Variants in CACNA1E observed in about 807,000 individuals in gnomAD.
CACNA1E encodes voltage-dependent R-type calcium channel subunit alpha-1E.
Under a neutral mutation model 259.2 loss-of-function variants are expected in CACNA1E, and 40 were observed. The ratio of observed to expected loss-of-function variants is 0.15; its 90% CI spans 0.12 to 0.20. The LOEUF (loss-of-function observed/expected upper bound fraction) is 0.20, where lower values mean the gene tolerates loss of function less well. Ranked by LOEUF, CACNA1E falls within the 10% of genes least tolerant of loss-of-function variation. The pLI is 1.00. For missense variants in CACNA1E, 1,874 were observed against 3,040.1 expected (o/e 0.62, Z 9.02); for synonymous variants, 1,104 against 1,138.5 (o/e 0.97, Z 0.61).
At chr1:181,722,078 A>G (rs976673487) in intron 16 of CACNA1E, among the ~76,000 whole-genome samples, 2 of 152,212 alleles carry the variant, frequency 1.3e-5, no homozygotes, top group African/African-American at 4.8e-5. Context: ...AACAAGATAG[A>G]GTATTATCCA....
intron 1 of CACNA1E, among the ~76,000 whole-genome samples, chr1:181,325,422 C>T (rs757539622): frequency 6.6e-6 from 1 of 152,140 alleles, no homozygotes; most frequent in East Asian, 1.9e-4. Flanking sequence ...GGAAGAACAT[C>T]CTGTCCCAAG....
intron 2 of CACNA1E, among the ~76,000 whole-genome samples, chr1:181,431,133 A>C (rs192108164): frequency 6.4e-4 from 98 of 152,332 alleles, no homozygotes; most frequent in African/African-American, 2.1e-3. Flanking sequence ...AAAAGAATTC[A>C]AATTGTGCAA....
At chr1:181,629,863 AT>A (rs1285750881) in intron 6 of CACNA1E, among the ~76,000 whole-genome samples, 2 of 152,196 alleles carry the variant, frequency 1.3e-5, no homozygotes, top group Admixed American at 1.3e-4. Context: ...GAGTAGGAAG[AT>A]TAGTGGAATG....
chr1:181,405,724 T>A (rs755763613), intron 1 of CACNA1E, among the ~76,000 whole-genome samples: 1 of 152,214 alleles, frequency 6.6e-6, no homozygotes, highest in Non-Finnish European at 1.5e-5. Context: ...TGCTCTCCAG[T>A]GGTTAAGCAG....
chr1:181,614,883 C>T lies in CACNA1E; in HGVS notation c.951+34107C>T, dbSNP rs528516362. ...AGTTTTTTCAAATTGTTGCAAACGTCCAAATTTTTTTTCCAATATATTTAT... is the reference window on the plus strand; with the variant it reads ...AGTTTTTTCAAATTGTTGCAAACGTTCAAATTTTTTTTCCAATATATTTAT... On this transcript the variant is annotated intron_variant, in intron 6 of 47. Coordinates refer to ENST00000367573, the MANE Select transcript of CACNA1E (RefSeq NM_001205293.3). Among the ~76,000 whole-genome samples, 293 of 152,170 alleles carry T rather than the reference C, an allele frequency of 1.9e-3. 1 individual carries two copies. The highest frequency in any genetic ancestry group is 2.8e-3 in the Non-Finnish European group (189 of 67,994).
chr1:181,466,436 T>C (rs191786563), intron 2 of CACNA1E, among the ~76,000 whole-genome samples: 1 of 152,052 alleles, frequency 6.6e-6, no homozygotes, highest in East Asian at 1.9e-4. Context: ...TGGTCCCAGC[T>C]ACTCAGGAGG....
rs1571987938 is a variant in CACNA1E, at chr1:181,485,964, A to G, written c.266+1954A>G. Among the ~76,000 whole-genome samples, 1 of 152,236 alleles carries G rather than the reference A, an allele frequency of 6.6e-6. No individual in the cohort carries two copies. The highest frequency in any genetic ancestry group is 2.4e-5 in the African/African-American group (1 of 41,466). On this transcript the variant is annotated intron_variant, in intron 1 of 47. Transcript: ENST00000367573. This position sits in a 1 kb window ranked among gnomAD's most constrained non-coding sequence, Gnocchi z 4.2. ...AACTCCCGGCGGCCCGGGGCTCCCC[A>G]GTTACCCGGGTTCAGCACCTCGGGT... is the stretch of plus-strand genomic sequence containing the variant.
intron 2 of CACNA1E, among the ~76,000 whole-genome samples, chr1:181,434,046 G>T (rs2102264381): frequency 6.6e-6 from 1 of 152,284 alleles, no homozygotes; most frequent in South Asian, 2.1e-4. Flanking sequence ...AGGCTTCCTG[G>T]TCCCCATCCC....
chr1:181,630,548 C>T (rs537796878), intron 6 of CACNA1E, among the ~76,000 whole-genome samples: 1 of 152,286 alleles, frequency 6.6e-6, no homozygotes, highest in African/African-American at 2.4e-5. Context: ...ACAACGCCCT[C>T]TCCATCTGGG....
intron 6 of CACNA1E, among the ~76,000 whole-genome samples, chr1:181,596,578 G>A (rs1572330728): frequency 1.3e-5 from 2 of 151,752 alleles, no homozygotes; most frequent in African/African-American, 4.8e-5. Flanking sequence ...GTGTGTGTGT[G>A]TGTGTGTGTG....
chr1:181,601,750 C>A (rs1157459113), intron 6 of CACNA1E, among the ~76,000 whole-genome samples: 1 of 152,180 alleles, frequency 6.6e-6, no homozygotes, highest in Non-Finnish European at 1.5e-5. Flanking sequence ...TCCTTATGAT[C>A]CTGGCAGTGT....
At chr1:181,747,447 G>A (rs1183589780) in intron 25 of CACNA1E, among the ~76,000 whole-genome samples, 3 of 102,462 alleles carry the variant, frequency 2.9e-5, no homozygotes, top group African/African-American at 1.1e-4. Context: ...AGAAAAATCT[G>A]TCATTTTTTT....
chr1:181,568,125 A>G (rs1405560605), intron 3 of CACNA1E, among the ~76,000 whole-genome samples: 1 of 152,108 alleles, frequency 6.6e-6, no homozygotes, highest in East Asian at 1.9e-4. Flanking sequence ...CAGGGGCCTG[A>G]GTTTCATTAC....
At chr1:181,558,746 C>A (rs1422519862) in intron 3 of CACNA1E, among the ~76,000 whole-genome samples, 1 of 152,110 alleles carries the variant, frequency 6.6e-6, no homozygotes, top group African/African-American at 2.4e-5. Context: ...AAGCTATAAG[C>A]CAGACTTGGA....
At chr1:181,365,538 G>A (rs1182416191) in intron 1 of CACNA1E, among the ~76,000 whole-genome samples, 1 of 152,252 alleles carries the variant, frequency 6.6e-6, no homozygotes, top group Non-Finnish European at 1.5e-5. Context: ...TGGGGTCAGG[G>A]CAGCTGCAGC....
intron 43 of CACNA1E, among the ~76,000 whole-genome samples, chr1:181,788,552 G>C (rs1661036063): frequency 6.6e-6 from 1 of 152,206 alleles, no homozygotes; most frequent in African/African-American, 2.4e-5. Context: ...TGCACTCTTA[G>C]AGTGGCCTCT....
At chr1:181,592,633 C>T (rs1314077753) in intron 6 of CACNA1E, among the ~76,000 whole-genome samples, 1 of 152,130 alleles carries the variant, frequency 6.6e-6, no homozygotes. Flanking sequence ...CTTTGAAATG[C>T]TCTTAAAGAG....
At position 181,743,772 on chromosome 1, in the gene CACNA1E, C is replaced by G. The variant is rs1460658084; in HGVS notation, c.3719+4519C>G. Among the ~76,000 whole-genome samples, 3 of 152,206 alleles carry G rather than the reference C, an allele frequency of 2.0e-5. No homozygotes were observed. In the East Asian group the frequency reaches 5.8e-4, roughly 29 times the overall value. On this transcript the variant is annotated intron_variant, in intron 25 of 47. Coordinates refer to ENST00000367573, the MANE Select transcript of CACNA1E (RefSeq NM_001205293.3). ...TCTACAGCACGTTACTTGACTAGCT[C>G]GATTCACATGAGCAGGTGAGCGCTC...
At chr1:181,391,281 G>A (rs1186395784) in intron 1 of CACNA1E, among the ~76,000 whole-genome samples, 1 of 152,168 alleles carries the variant, frequency 6.6e-6, no homozygotes, top group East Asian at 1.9e-4. Context: ...CTAAGATCCT[G>A]CCACTCCCCT....
Sources: gnomAD v4.1 joint callset for allele counts (sites outside exome capture counted in the v4.1 genomes callset) on GRCh38, gnomAD v4.1.1 for gene constraint, Gnocchi (gnomAD v3.1) non-coding constraint, MANE v1.5 for transcripts, NCBI Gene and HGNC (gene_info 2026-07-23, HGNC 2026-07-21) for gene names.